The following HIKESHI variants were observed in gnomAD, a reference collection of about 807,000 sequenced individuals.
HIKESHI encodes the protein protein Hikeshi.
HIKESHI carries 13 observed loss-of-function variants against 25.7 expected under a neutral mutation model. That is an observed-to-expected ratio of 0.51 (90% CI 0.33 to 0.80). HIKESHI has a LOEUF of 0.80. Among genes scored for constraint, HIKESHI ranks in the 30% least tolerant of loss-of-function variants. The pLI, the probability that HIKESHI is intolerant of heterozygous loss-of-function variation, is 0.02. For synonymous variants in HIKESHI, 76 were observed against 78.7 expected (o/e 0.97, Z 0.18); for missense variants, 174 against 229.5 (o/e 0.76, Z 1.56).
chr11:86,333,540 C>T (rs2138391924), intron 2 of HIKESHI, among the ~76,000 whole-genome samples: 1 of 130,894 alleles, frequency 7.6e-6, no homozygotes, highest in East Asian at 2.3e-4. Context: ...GTCTCAACAA[C>T]AACAACAACA....
intron 2 of HIKESHI, among the ~76,000 whole-genome samples, chr11:86,318,075 C>T (rs1194233046): frequency 2.0e-5 from 3 of 151,658 alleles, no homozygotes; most frequent in African/African-American, 4.8e-5. Context: ...GAGGCTGAGG[C>T]GGGCGGATCA....
intron 2 of HIKESHI, among the ~76,000 whole-genome samples, chr11:86,327,420 T>G (rs560023769): frequency 1.3e-5 from 2 of 152,232 alleles, no homozygotes; most frequent in East Asian, 3.9e-4. Context: ...GTTCACACCA[T>G]TCTCCTGCCT....
At chr11:86,325,862 A>G (rs1947267423) in intron 2 of HIKESHI, among the ~76,000 whole-genome samples, 1 of 121,756 alleles carries the variant, frequency 8.2e-6, no homozygotes, top group Admixed American at 9.3e-5. Flanking sequence ...ACAGACCGAG[A>G]CTCCGTCTCA....
At chr11:86,324,603 T>G (rs1271176279) in intron 2 of HIKESHI, among the ~76,000 whole-genome samples, 1 of 152,204 alleles carries the variant, frequency 6.6e-6, no homozygotes, top group Non-Finnish European at 1.5e-5. Context: ...AAGATTAGGC[T>G]TAGTATTCAT....
At chr11:86,328,267 T>G (rs1355770386) in intron 2 of HIKESHI, among the ~76,000 whole-genome samples, 2 of 149,164 alleles carry the variant, frequency 1.3e-5, no homozygotes, top group African/African-American at 2.4e-5. Context: ...TTTCTTTTCT[T>G]TTTTTTTTTG....
chr11:86,328,791 G>A (rs1210644543), intron 2 of HIKESHI, among the ~76,000 whole-genome samples: 1 of 151,868 alleles, frequency 6.6e-6, no homozygotes, highest in Non-Finnish European at 1.5e-5. Context: ...TGGCTAGGCT[G>A]GTCTTGAACT....
intron 1 of HIKESHI, among the ~76,000 whole-genome samples, chr11:86,303,071 G>A (rs1394615295): frequency 1.3e-5 from 2 of 152,202 alleles, no homozygotes; most frequent in African/African-American, 4.8e-5. Flanking sequence ...AGAGAAGGAT[G>A]CGAGTAGTGT....
chr11:86,323,737 A>G (rs917543628), intron 2 of HIKESHI, among the ~76,000 whole-genome samples: 1 of 152,182 alleles, frequency 6.6e-6, no homozygotes, highest in Non-Finnish European at 1.5e-5. Flanking sequence ...GCACTTTAGG[A>G]TCATAAGAAC....
chr11:86,331,163 A>G (rs142467634), intron 2 of HIKESHI, among the ~76,000 whole-genome samples: 8 of 152,186 alleles, frequency 5.3e-5, no homozygotes, highest in Admixed American at 5.2e-4. Context: ...TCGTAAAATC[A>G]TAGAATGTCA....
chr11:86,318,303 C>CAGAAAA (rs1947045978), intron 2 of HIKESHI, among the ~76,000 whole-genome samples: 3 of 35,680 alleles, frequency 8.4e-5, no homozygotes, highest in Non-Finnish European at 5.2e-5. Flanking sequence ...GACTCCGTCT[C>CAGAAAA]AAAAAAAAAA....
In HIKESHI at chr11:86,321,229, G is replaced by C. The variant is rs143873897; in HGVS notation, c.268+14747G>C. Among the ~76,000 whole-genome samples the C allele has an allele frequency of 1.8e-3, 273 of 152,184 alleles. 1 individual carries two copies. Among genetic ancestry groups the C allele is most frequent in the African/African-American group, 6.5e-3 (268 of 41,532 alleles). ...ATTATAGGTGTTAGCCACTGTGCCT[G>C]GCCCGTTTTTTTCACTTTTATATGG... On this transcript the variant is annotated intron_variant, in intron 2 of 4. Transcript: ENST00000278483.
chr11:86,316,771 CTTTTTTTTTTTTTTTTTTTTTTTTT>C (rs71040229), intron 2 of HIKESHI, among the ~76,000 whole-genome samples: 11 of 68,790 alleles, frequency 1.6e-4, no homozygotes, highest in Non-Finnish European at 2.1e-4. Context: ...CTGAAACATT[CTTTTTTTTTTTTTTTTTTTTTTTTT>C]TTTTTTTTTT....
At chr11:86,307,366 A>G (rs375241756) in intron 2 of HIKESHI, among the ~76,000 whole-genome samples, 2 of 83,898 alleles carry the variant, frequency 2.4e-5, no homozygotes, top group Admixed American at 1.5e-4. Flanking sequence ...ATTATGTGTA[A>G]TATACATTAT....
At chr11:86,337,167 G>A (rs1947587152) in intron 2 of HIKESHI, among the ~76,000 whole-genome samples, 1 of 152,146 alleles carries the variant, frequency 6.6e-6, no homozygotes, top group Non-Finnish European at 1.5e-5. Context: ...AAATGTGACA[G>A]CTATTTTTCT....
intron 2 of HIKESHI, chr11:86,326,369 A>G (rs1947283542): frequency 1.3e-5 from 5 of 379,352 alleles, no homozygotes; most frequent in Non-Finnish European, 1.6e-5. Flanking sequence ...ATGTGTGGCT[A>G]TAAGGTCTTT....
In HIKESHI at chr11:86,344,677, A is replaced by G. The variant is rs1947823414; in HGVS notation, c.495A>G (p.Pro165=). ...SFAVSQAQMT[P]SPSEMFIPAN... is the part of the protein sequence containing the mutation. ...CTGTCTCTCAGGCCCAGATGACACC[A>G]AGCCCATCTGAAATGTTCATTCCGG... Residue 165 remains proline (P), a synonymous_variant, in exon 4 of 5, where the codon CCA becomes CCG. Coordinates refer to ENST00000278483, the MANE Select transcript of HIKESHI (RefSeq NM_016401.4). 2 of 1,612,464 alleles carry G rather than the reference A, an allele frequency of 1.2e-6. No homozygotes were observed. The highest frequency in any genetic ancestry group is 2.7e-5 in the African/African-American group (2 of 74,890).
chr11:86,311,690 G>A (rs925698749), intron 2 of HIKESHI, among the ~76,000 whole-genome samples: 1 of 151,912 alleles, frequency 6.6e-6, no homozygotes, highest in Non-Finnish European at 1.5e-5. Flanking sequence ...TTCTCTTGTG[G>A]GCATTTAGTG....
chr11:86,344,507 A>T (rs2138439130), intron 3 of HIKESHI, 96 bp from the exon 4 acceptor site: 1 of 780,592 alleles, frequency 1.3e-6, no homozygotes, highest in South Asian at 2.1e-5. Context: ...GACACTCCCT[A>T]TAAACAAGTT....
rs1946619730 is a variant in HIKESHI, at chr11:86,306,232, T to G, written c.31-13T>G. Reference sequence around the variant, plus strand: ...TAGAACCATTGAACTGAGACAAGTTTCTTATTTTCTAGGTGCAAACAGCTG... The same window carrying G: ...TAGAACCATTGAACTGAGACAAGTTGCTTATTTTCTAGGTGCAAACAGCTG... On this transcript the variant is annotated splice_polypyrimidine_tract_variant and intron_variant, in intron 1 of 4. Coordinates refer to ENST00000278483, the MANE Select transcript of HIKESHI (RefSeq NM_016401.4). 3.2e-6 allele frequency: 5 copies of G among 1,584,206 alleles called. No homozygotes were observed. The highest frequency in any genetic ancestry group is 4.3e-6 in the Non-Finnish European group (5 of 1,155,112).
Sources: gnomAD v4.1 joint callset for allele counts (sites outside exome capture counted in the v4.1 genomes callset) on GRCh38, gnomAD v4.1.1 for gene constraint, MANE v1.5 for transcripts, NCBI Gene and HGNC (gene_info 2026-07-23, HGNC 2026-07-21) for gene names.